The following CACNA2D3 variants were observed in gnomAD, a reference collection of about 807,000 sequenced individuals.
CACNA2D3 encodes calcium voltage-gated channel auxiliary subunit alpha2delta 3, also known as voltage-dependent calcium channel subunit alpha-2/delta-3.
A neutral mutation model predicts 160.6 loss-of-function variants in CACNA2D3; 60 were observed. The ratio of observed to expected loss-of-function variants is 0.37; its 90% CI spans 0.30 to 0.46. The LOEUF is 0.46. Ranked by LOEUF, CACNA2D3 falls within the 20% of genes least tolerant of loss-of-function variation. The probability of loss-of-function intolerance (pLI) is 1.00; values close to 1 mark genes in which losing one functional copy is unlikely to be tolerated. For synonymous variants in CACNA2D3, 558 were observed against 492.9 expected, an observed-to-expected ratio of 1.13 and a Z score of -1.75; for missense variants, 1,205 against 1,365.0, an observed-to-expected ratio of 0.88 and a Z score of 1.85.
At chr3:54,885,784 A>T (rs1699911252) in intron 23 of CACNA2D3, among the ~76,000 whole-genome samples, 198 bp downstream of exon 23, 1 of 152,206 alleles carries the variant, frequency 6.6e-6, no homozygotes, top group Non-Finnish European at 1.5e-5. Context: ...CAGAATCCCC[A>T]ATCCTGGTTT....
At chr3:55,020,048 AT>A (rs148968488) in intron 35 of CACNA2D3, among the ~76,000 whole-genome samples, 4,008 of 152,126 alleles carry the variant, frequency 0.026, 175 homozygotes, top group African/African-American at 0.092. Flanking sequence ...ACTTGTAAGA[AT>A]TTTTGTTGCC....
chr3:54,944,943 T>C (rs1428183434), intron 27 of CACNA2D3, among the ~76,000 whole-genome samples: 1 of 152,148 alleles, frequency 6.6e-6, no homozygotes, highest in East Asian at 1.9e-4. Flanking sequence ...AGTTCACTTT[T>C]AAGAGTGAGG....
chr3:54,574,812 T>C (rs1702555658), intron 8 of CACNA2D3, among the ~76,000 whole-genome samples: 1 of 152,242 alleles, frequency 6.6e-6, no homozygotes, highest in Non-Finnish European at 1.5e-5. Flanking sequence ...CGGGCCAATA[T>C]TGTTACATCA....
intron 27 of CACNA2D3, among the ~76,000 whole-genome samples, chr3:54,919,117 G>A (rs1700759629): frequency 6.6e-6 from 1 of 151,976 alleles, no homozygotes; most frequent in African/African-American, 2.4e-5. Flanking sequence ...TTATGACCAA[G>A]AATTCATTAG....
At chr3:54,593,955 CT>C (rs1260119310) in intron 9 of CACNA2D3, among the ~76,000 whole-genome samples, 1 of 152,036 alleles carries the variant, frequency 6.6e-6, no homozygotes, top group Non-Finnish European at 1.5e-5. Context: ...ATGCTCAATT[CT>C]TTTTTTATAT....
Position 54,291,549 on chromosome 3 carries a change from T to A in CACNA2D3, c.205-28893T>A, listed in dbSNP as rs1034868372. Among the ~76,000 whole-genome samples the A allele has an allele frequency of 8.5e-5, 13 of 152,312 alleles. No homozygotes were observed. In the South Asian group the frequency reaches 1.7e-3, roughly 19 times the overall value. On this transcript the variant is annotated intron_variant, in intron 2 of 37. Transcript: ENST00000474759. ...TTATCTGAGCCTGTAATCTTTTTTTTAAAAAAGGTAAGTGTTAATTACTAT... is the reference window on the plus strand; with the variant it reads ...TTATCTGAGCCTGTAATCTTTTTTTAAAAAAAGGTAAGTGTTAATTACTAT...
At chr3:54,901,757 C>T (rs1055817832) in intron 27 of CACNA2D3, among the ~76,000 whole-genome samples, 5 of 152,116 alleles carry the variant, frequency 3.3e-5, no homozygotes, top group African/African-American at 7.2e-5. Context: ...CTTTGGTAGA[C>T]GTAAGATAAA....
chr3:54,618,395 A>ATG (rs1698909550), intron 9 of CACNA2D3, among the ~76,000 whole-genome samples: 1 of 149,492 alleles, frequency 6.7e-6, no homozygotes, highest in Non-Finnish European at 1.5e-5. Flanking sequence ...ACACACACAC[A>ATG]CACACACACA....
chr3:54,770,294 C>T (rs760287712), intron 13 of CACNA2D3, among the ~76,000 whole-genome samples: 1 of 152,164 alleles, frequency 6.6e-6, no homozygotes, highest in Non-Finnish European at 1.5e-5. Flanking sequence ...GAGAATGTTG[C>T]ATTCCTACAC....
intron 2 of CACNA2D3, among the ~76,000 whole-genome samples, chr3:54,277,705 T>C (rs575054536): frequency 6.6e-6 from 1 of 152,346 alleles, no homozygotes; most frequent in East Asian, 1.9e-4. Context: ...ATTGAATCTA[T>C]AAATTACTTT....
At chr3:54,216,187 C>T (rs748012205) in intron 2 of CACNA2D3, among the ~76,000 whole-genome samples, 8 of 151,826 alleles carry the variant, frequency 5.3e-5, no homozygotes, top group African/African-American at 1.2e-4. Context: ...AAGCACAGTT[C>T]GAGAAGCCTG....
chr3:54,803,469 G>C (rs184421934), intron 13 of CACNA2D3, among the ~76,000 whole-genome samples: 16 of 152,212 alleles, frequency 1.1e-4, no homozygotes, highest in Admixed American at 1.0e-3. Flanking sequence ...AGTGATGGAA[G>C]ATGAAATGAA....
intron 4 of CACNA2D3, among the ~76,000 whole-genome samples, chr3:54,411,028 T>C (rs987119089): frequency 8.5e-5 from 13 of 152,214 alleles, no homozygotes; most frequent in Non-Finnish European, 1.3e-4. Flanking sequence ...AGGAAGTTAC[T>C]GTAGATGTGG....
intron 4 of CACNA2D3, among the ~76,000 whole-genome samples, chr3:54,463,257 G>T (rs1014832074): frequency 2.0e-5 from 3 of 152,016 alleles, no homozygotes; most frequent in African/African-American, 7.3e-5. Flanking sequence ...ACGTGTCTTG[G>T]AGTTGCTCTT....
At chr3:54,317,847 G>A (rs1703901126) in intron 2 of CACNA2D3, among the ~76,000 whole-genome samples, 1 of 152,142 alleles carries the variant, frequency 6.6e-6, no homozygotes, top group Middle Eastern at 3.4e-3. Context: ...CCCCAAACTC[G>A]CTTTTATAAC....
chr3:54,649,768 C>T (rs1215190813), intron 11 of CACNA2D3, among the ~76,000 whole-genome samples: 1 of 152,236 alleles, frequency 6.6e-6, no homozygotes, highest in Non-Finnish European at 1.5e-5. Context: ...AATACCATAA[C>T]AATGCAGGCT....
intron 11 of CACNA2D3, among the ~76,000 whole-genome samples, chr3:54,718,413 A>G (rs1314111122): frequency 2.6e-5 from 4 of 152,134 alleles, no homozygotes; most frequent in Non-Finnish European, 4.4e-5. Context: ...GGAATTAATT[A>G]TGGCTTATTT....
chr3:54,936,453 GTTGA>G lies in CACNA2D3; in HGVS notation c.2450-31993_2450-31990del, dbSNP rs1237832751. Among the ~76,000 whole-genome samples the G allele has an allele frequency of 2.6e-5, 4 of 152,286 alleles. No homozygotes were observed. In the East Asian group the frequency reaches 7.7e-4, roughly 29 times the overall value. ...AAAGTCGCTCCACAAACAAAGGAAAGTTGATTGTTAGTATCATGCAACTACCACT... is the reference window on the plus strand; with the variant it reads ...AAAGTCGCTCCACAAACAAAGGAAAGTTGTTAGTATCATGCAACTACCACT... On this transcript the variant is annotated intron_variant, in intron 27 of 37. Coordinates refer to ENST00000474759, the MANE Select transcript of CACNA2D3 (RefSeq NM_018398.3).
chr3:54,230,968 A>G (rs1449158393), intron 2 of CACNA2D3, among the ~76,000 whole-genome samples: 2 of 152,194 alleles, frequency 1.3e-5, no homozygotes, highest in African/African-American at 4.8e-5. Flanking sequence ...GCCCTGGTAA[A>G]CATGATAGAT....
Sources: gnomAD v4.1 joint callset for allele counts (sites outside exome capture counted in the v4.1 genomes callset) on GRCh38, gnomAD v4.1.1 for gene constraint, MANE v1.5 for transcripts, NCBI Gene and HGNC (gene_info 2026-07-23, HGNC 2026-07-21) for gene names.